DHX9: variants seen among roughly 807,000 people sequenced by gnomAD.
The protein encoded by DHX9 is ATP-dependent RNA helicase A.
DHX9 carries 27 observed loss-of-function variants against 148.7 expected under a neutral mutation model. The observed-to-expected ratio is 0.18, with a 90% confidence interval of 0.13 to 0.25. DHX9 has a LOEUF of 0.25. Among genes scored for constraint, DHX9 ranks in the 10% least tolerant of loss-of-function variants. DHX9 has a pLI of 1.00. For missense variants in DHX9, 796 were observed against 1,559.6 expected (o/e 0.51, Z 8.25); for synonymous variants, 529 against 516.6 (o/e 1.02, Z -0.33).
At chr1:182,866,841 A>G (rs1194390879) in intron 13 of DHX9, 120 bp from the exon 14 acceptor site, 4 of 823,724 alleles carry the variant, frequency 4.9e-6, no homozygotes, top group Admixed American at 2.7e-5. Context: ...AATAGTTTAA[A>G]TGTACATGTG....
At chr1:182,880,852 G>A (rs111838352) in intron 22 of DHX9, among the ~76,000 whole-genome samples, 30 of 152,132 alleles carry the variant, frequency 2.0e-4, no homozygotes, top group African/African-American at 7.0e-4. Context: ...AAGCAAGCAG[G>A]CCAGGCAATG....
At chr1:182,857,862 A>C (rs986496764) in intron 7 of DHX9, among the ~76,000 whole-genome samples, 4 of 152,174 alleles carry the variant, frequency 2.6e-5, no homozygotes, top group Admixed American at 1.3e-4. Context: ...TGCTTTCATA[A>C]TATTGATTTG....
chr1:182,852,114 G>A, intron 3 of DHX9, 119 bp from the exon 4 acceptor site: 1 of 599,532 alleles, frequency 1.7e-6, no homozygotes, highest in Non-Finnish European at 2.9e-6. Context: ...TCTAAACAAA[G>A]ATGGTAATAT....
chr1:182,863,410 CT>C (rs1648079290), intron 12 of DHX9, among the ~76,000 whole-genome samples: 2 of 152,112 alleles, frequency 1.3e-5, no homozygotes, highest in Admixed American at 1.3e-4. Context: ...ATGGTTTTTA[CT>C]GTTATATTAC....
At chr1:182,843,575 C>A in intron 3 of DHX9, 141 bp downstream of exon 3, 2 of 865,044 alleles carry the variant, frequency 2.3e-6, no homozygotes, top group Non-Finnish European at 3.3e-6. Flanking sequence ...CTTGTTTTGT[C>A]TCAGCACTGG....
chr1:182,865,217 C>G (rs1223944775), intron 12 of DHX9, among the ~76,000 whole-genome samples: 2 of 152,188 alleles, frequency 1.3e-5, no homozygotes, highest in African/African-American at 2.4e-5. Flanking sequence ...TTTTCACATT[C>G]CTTAACTCAA....
intron 7 of DHX9, 23 bp from the exon 8 acceptor site, chr1:182,858,081 A>G (rs778861659): frequency 1.2e-6 from 2 of 1,600,932 alleles, no homozygotes; most frequent in South Asian, 1.1e-5. Context: ...TTTCTGTCTG[A>G]TAATCCTGAC....
chr1:182,864,658 A>T (rs1243507840), intron 12 of DHX9, among the ~76,000 whole-genome samples: 1 of 152,230 alleles, frequency 6.6e-6, no homozygotes, highest in Non-Finnish European at 1.5e-5. Context: ...AAGCATATAA[A>T]ATATGGGAAA....
In DHX9 at chr1:182,860,195, A is replaced by G. The variant is rs764762507; in HGVS notation, c.1332+11A>G. 1 of 1,563,566 alleles carries G rather than the reference A, an allele frequency of 6.4e-7. No individual in the cohort carries two copies. The highest frequency in any genetic ancestry group is 2.3e-5 in the East Asian group (1 of 42,706). On this transcript the variant is annotated intron_variant, in intron 12 of 27. Transcript: ENST00000367549. The stretch of plus-strand genomic sequence containing the variant: ...ATCGTAGTAACTCAGGTAAGTGGTA[A>G]ACCAACCATGAAATACCTAGAGAGC...
At position 182,843,447 on chromosome 1, in the gene DHX9, G is replaced by A; in HGVS notation, c.252+13G>A. The A allele has an allele frequency of 1.3e-6, 2 of 1,579,920 alleles. No homozygotes were observed. The highest frequency in any genetic ancestry group is 1.7e-6 in the Non-Finnish European group (2 of 1,166,710). ...TCCAGCTTTTGGGGTAAGTACCTAT[G>A]GCGAAGCACTTGAGATGTATGTTGT... On this transcript the variant is annotated intron_variant, in intron 3 of 27. Transcript: ENST00000367549.
Position 182,842,691 on chromosome 1 carries a change from C to T in DHX9, c.111+14C>T. ...TTCATGTGTGAGGTACTGAAGAATA[C>T]AGTTTGCATTTATGTGATTTATGAG... On this transcript the variant is annotated intron_variant, in intron 2 of 27. Transcript: ENST00000367549. The T allele has an allele frequency of 1.3e-6, 2 of 1,588,382 alleles. No individual in the cohort carries two copies. The highest frequency in any genetic ancestry group is 1.7e-6 in the Non-Finnish European group (2 of 1,162,742).
At chr1:182,860,883 C>T (rs1238120728) in intron 12 of DHX9, among the ~76,000 whole-genome samples, 1 of 152,230 alleles carries the variant, frequency 6.6e-6, no homozygotes, top group African/African-American at 2.4e-5. Context: ...CTACCCTGTA[C>T]TTCTGGCACT....
rs1472326190 is a variant in DHX9 at position 182,876,595 on chromosome 1, A to G, written c.2124+54A>G. ...TTGGAAGTGACGTAGATACTAAACA[A>G]ATGTTACAGGCTTTCAAAGAGCTAC... On this transcript the variant is annotated intron_variant, in intron 18 of 27. Coordinates refer to ENST00000367549, the MANE Select transcript of DHX9 (RefSeq NM_001357.5). 4 of 1,497,138 alleles carry G rather than the reference A, an allele frequency of 2.7e-6. No individual in the cohort carries two copies. The East Asian group carries it at 9.1e-5, about 34-fold the overall frequency. 92.7% of individuals were successfully genotyped at this position (1,497,138 alleles called of 1,614,324 possible).
Position 182,887,181 on chromosome 1 carries a change from G to A in DHX9, c.3560G>A (p.Gly1187Asp), listed in dbSNP as rs2102625215. Residue 1187 changes from glycine (G) to aspartate (D), a missense_variant, in exon 28 of 28, where the codon GGT becomes GAT. Gly to Asp is a moderately conservative substitution (Grantham distance 94). Coordinates refer to ENST00000367549, the MANE Select transcript of DHX9 (RefSeq NM_001357.5). ...GSSYSGGGYGGGYSSGGYGSG... is the reference protein window; with the variant it reads ...GSSYSGGGYGDGYSSGGYGSG... ...AGTTACAGTGGTGGAGGCTATGGCG[G>A]TGGCTATAGCAGTGGAGGCTATGGT... 1 of 1,614,126 alleles carries A rather than the reference G, an allele frequency of 6.2e-7. No homozygotes were observed.
rs1227920179 is a variant in DHX9, at chr1:182,887,710, C to T, written c.*276C>T. 8.3e-6 allele frequency: 3 copies of T among 361,500 alleles called. No individual in the cohort carries two copies. Among genetic ancestry groups the T allele is most frequent in the Admixed American group, 4.2e-5 (1 of 23,992 alleles). 22.4% of individuals were successfully genotyped at this position (361,500 alleles called of 1,614,324 possible). A position where few individuals can be genotyped will look rare whatever the true frequency, so the allele number is the denominator to read the frequency against. On this transcript the variant is annotated 3_prime_UTR_variant, in exon 28 of 28. Coordinates refer to ENST00000367549, the MANE Select transcript of DHX9 (RefSeq NM_001357.5). ...TTTAAATAACTTGGTATTTTCCTGG[C>T]TTTCGTTTAATACAATAGAAAATAA... is the stretch of plus-strand genomic sequence containing the variant.
intron 14 of DHX9, among the ~76,000 whole-genome samples, chr1:182,867,496 G>A (rs1418657201): frequency 6.6e-6 from 1 of 152,036 alleles, no homozygotes; most frequent in Admixed American, 6.6e-5. Flanking sequence ...TCCGCCTCCC[G>A]CTTTCAAGCA....
intron 12 of DHX9, among the ~76,000 whole-genome samples, chr1:182,864,678 G>A (rs1648211874): frequency 6.6e-6 from 1 of 152,118 alleles, no homozygotes; most frequent in Admixed American, 6.5e-5. Flanking sequence ...AGAGATTGCG[G>A]GGTCATTTAT....
intron 6 of DHX9, among the ~76,000 whole-genome samples, chr1:182,856,054 C>T (rs1283878130): frequency 6.6e-6 from 1 of 152,176 alleles, no homozygotes; most frequent in Non-Finnish European, 1.5e-5. Flanking sequence ...CTGATATGCA[C>T]AAAGTGTATG....
chr1:182,880,707 A>G (rs1557979271), intron 22 of DHX9, 99 bp downstream of exon 22: 1 of 736,028 alleles, frequency 1.4e-6, no homozygotes, highest in Non-Finnish European at 2.3e-6. Context: ...GACAAAAAAA[A>G]AATCCTAAAT....
Sources: gnomAD v4.1 joint callset for allele counts (sites outside exome capture counted in the v4.1 genomes callset) on GRCh38, gnomAD v4.1.1 for gene constraint, MANE v1.5 for transcripts, NCBI Gene and HGNC (gene_info 2026-07-23, HGNC 2026-07-21) for gene names.